Variants in GPR132 observed in about 807,000 individuals in gnomAD.
The protein encoded by GPR132 is probable G protein-coupled receptor 132.
GPR132 carries 4 observed loss-of-function variants against 1.9 expected under a neutral mutation model. That is an observed-to-expected ratio of 2.13 (90% CI 1.05 to 4.87). The LOEUF is 4.87. GPR132 is among the 30% of genes most tolerant of loss of function. GPR132 has a pLI of 0.01. For synonymous variants in GPR132, 233 were observed against 234.2 expected (o/e 0.99, Z 0.05); for missense variants, 404 against 512.5 (o/e 0.79, Z 2.04).
At chr14:105,054,982 C>T (rs1243334342) in intron 3 of GPR132, among the ~76,000 whole-genome samples, 6 of 146,654 alleles carry the variant, frequency 4.1e-5, no homozygotes, top group African/African-American at 1.3e-4. Context: ...AGAGATTGCG[C>T]CACTGCACTC....
rs1004104543 is a variant in GPR132 at position 105,059,449 on chromosome 14, G to A, written c.-860-2169C>T. Among the ~76,000 whole-genome samples the A allele has an allele frequency of 1.3e-5, 2 of 152,118 alleles. No homozygotes were observed. The highest frequency in any genetic ancestry group is 2.4e-5 in the African/African-American group (1 of 41,404). ...CCCTTCAAGCTGGGAACTGCTCAGC[G>A]CCGATCTGCCTGGCGTTCTATTCAG... On this transcript the variant is annotated intron_variant, in intron 1 of 3. Transcript: ENST00000329797. The surrounding 1 kb of genome is among the most constrained non-coding windows in gnomAD (Gnocchi z 4.2).
chr14:105,057,510 T>TA, intron 1 of GPR132: 1 of 175,728 alleles, frequency 5.7e-6, no homozygotes, highest in Non-Finnish European at 1.2e-5. Context: ...TACATACGAT[T>TA]CTTTTTTTTT....
chr14:105,062,615 A>G (rs1404868565), intron 1 of GPR132, among the ~76,000 whole-genome samples: 1 of 131,498 alleles, frequency 7.6e-6, no homozygotes, highest in African/African-American at 3.0e-5. Flanking sequence ...ATCTTGGCTC[A>G]CTGCAACCTC....
At position 105,049,620 on chromosome 14, in the gene GPR132, G is replaced by C. The variant is rs963240608; in HGVS notation, c.*1374C>G. 6.6e-6 allele frequency: 1 copy of C among 151,944 alleles called. No individual in the cohort carries two copies. The highest frequency in any genetic ancestry group is 1.9e-4 in the East Asian group (1 of 5,162). The allele number at this position is 151,944 out of a possible 1,614,324, so 9.4% of individuals were successfully genotyped here. ...ATTTTTCTGATGACTCTCAAGGGGA[G>C]GATGGCTGTTTTGGCTGGGTGTGGT... On this transcript the variant is annotated 3_prime_UTR_variant, in exon 4 of 4. Coordinates refer to ENST00000329797, the MANE Select transcript of GPR132 (RefSeq NM_013345.4).
Position 105,055,023 on chromosome 14 carries a change from CAAAAAAA to C in GPR132, c.34+357_34+363del, listed in dbSNP as rs35863392. ...AGGGCAACAGAGCAAGACTCCATCTCAAAAAAAAAAAAAAAAAAAAAATTCGGCCCCA... is the reference window on the plus strand; with the variant it reads ...AGGGCAACAGAGCAAGACTCCATCTCAAAAAAAAAAAAAAATTCGGCCCCA... On this transcript the variant is annotated intron_variant, in intron 3 of 3. Coordinates refer to ENST00000329797, the MANE Select transcript of GPR132 (RefSeq NM_013345.4). The surrounding 1 kb of genome is among the most constrained non-coding windows in gnomAD (Gnocchi z 4.7). Among the ~76,000 whole-genome samples the C allele has an allele frequency of 1.2e-4, 11 of 91,296 alleles. No individual in the cohort carries two copies. The highest frequency in any genetic ancestry group is 2.9e-4 in the East Asian group (1 of 3,412). The allele number at this position is 91,296 out of a possible 152,430, so 59.9% of individuals were successfully genotyped here.
chr14:105,061,491 C>T (rs1274074015), intron 1 of GPR132, among the ~76,000 whole-genome samples: 2 of 152,246 alleles, frequency 1.3e-5, no homozygotes, highest in East Asian at 3.9e-4. Flanking sequence ...CTCCGGCCAG[C>T]CCAGTGGCCC....
intron 3 of GPR132, chr14:105,054,073 CTGAG>C: frequency 1.6e-6 from 2 of 1,288,620 alleles, no homozygotes; most frequent in Non-Finnish European, 2.0e-6. Flanking sequence ...CCCACTCTGG[CTGAG>C]TTCATGCTTC....
rs2140925517 is a variant in GPR132, at chr14:105,050,758, T to C, written c.*236A>G. ...TGAAGAGGCCCCACTGCCTGCCACA[T>C]GCTCTCTGGGCTCCCGGAAGCCTGG... On this transcript the variant is annotated 3_prime_UTR_variant, in exon 4 of 4. Coordinates refer to ENST00000329797, the MANE Select transcript of GPR132 (RefSeq NM_013345.4). This position sits in a 1 kb window ranked among gnomAD's most constrained non-coding sequence, Gnocchi z 4.0. 3.6e-6 allele frequency: 2 copies of C among 554,258 alleles called. No individual in the cohort carries two copies. The highest frequency in any genetic ancestry group is 3.2e-5 in the Admixed American group (1 of 31,338). 34.3% of individuals were successfully genotyped at this position (554,258 alleles called of 1,614,324 possible). A position where few individuals can be genotyped will look rare whatever the true frequency, so the allele number is the denominator to read the frequency against.
Position 105,051,225 on chromosome 14 carries a change from G to A in GPR132, c.912C>T (p.Asp304=), listed in dbSNP as rs1179777126. 3.1e-6 allele frequency: 5 copies of A among 1,613,696 alleles called. No individual in the cohort carries two copies. Among genetic ancestry groups the A allele is most frequent in the Non-Finnish European group, 3.4e-6 (4 of 1,179,636 alleles). ...CCGTGGCCAGCACGTAGATAATGGG[G>A]TCAGCCACGCCGTTCACCGTGGACA... ...LCLSTVNGVA[D]PIIYVLATDH... The change falls in exon 4 of 4, where the codon GAC becomes GAT. Residue 304 remains aspartate, a synonymous_variant. Coordinates refer to ENST00000329797, the MANE Select transcript of GPR132 (RefSeq NM_013345.4). The surrounding 1 kb of genome is among the most constrained non-coding windows in gnomAD (Gnocchi z 8.0).
rs753536183 is a variant in GPR132, at chr14:105,056,594, G to C, written c.-746-428C>G. Among the ~76,000 whole-genome samples the C allele has an allele frequency of 6.6e-6, 1 of 151,896 alleles. No homozygotes were observed. Among genetic ancestry groups the C allele is most frequent in the Non-Finnish European group, 1.5e-5 (1 of 67,958 alleles). The stretch of plus-strand genomic sequence containing the variant: ...TCCCCCACCCCACACATCGTCGCCC[G>C]TGCGGTCTCAGTCAGGGCCTCGGTG... On this transcript the variant is annotated intron_variant, in intron 2 of 3. Transcript: ENST00000329797. This position sits in a 1 kb window ranked among gnomAD's most constrained non-coding sequence, Gnocchi z 6.0.
intron 1 of GPR132, among the ~76,000 whole-genome samples, chr14:105,062,604 G>A (rs757321301): frequency 4.3e-5 from 6 of 139,170 alleles, no homozygotes; most frequent in Non-Finnish European, 7.6e-5. Flanking sequence ...AAAGTGGCGC[G>A]ATCTTGGCTC....
In GPR132 at chr14:105,055,146, A is replaced by G. The variant is rs772918006; in HGVS notation, c.34+241T>C. Among the ~76,000 whole-genome samples the G allele has an allele frequency of 6.6e-6, 1 of 151,208 alleles. No homozygotes were observed. Among genetic ancestry groups the G allele is most frequent in the Non-Finnish European group, 1.5e-5 (1 of 67,806 alleles). On this transcript the variant is annotated intron_variant, in intron 3 of 3. Coordinates refer to ENST00000329797, the MANE Select transcript of GPR132 (RefSeq NM_013345.4). This position sits in a 1 kb window ranked among gnomAD's most constrained non-coding sequence, Gnocchi z 4.7. ...GGAGTTCCAGACCAGCCTGACCAAC[A>G]TGGTGAAATCCCATCTCTATTAAAA...
intron 1 of GPR132, among the ~76,000 whole-genome samples, chr14:105,062,467 C>G (rs1886968140): frequency 1.3e-5 from 2 of 152,118 alleles, no homozygotes; most frequent in Non-Finnish European, 2.9e-5. Flanking sequence ...CTTCCATGAA[C>G]CCATGTTTTC....
intron 3 of GPR132, chr14:105,054,215 G>A (rs1377800953): frequency 3.3e-6 from 4 of 1,203,270 alleles, no homozygotes; most frequent in East Asian, 6.5e-5. Context: ...CAGCAGCCCC[G>A]GGCGGGGCAA....
rs777838540 is a variant in GPR132 at position 105,051,347 on chromosome 14, C to A, written c.790G>T (p.Val264Phe). The change falls in exon 4 of 4, where the codon GTC becomes TTC. Residue 264 changes from valine (V) to phenylalanine (F), a missense_variant. Val to Phe is a conservative substitution (Grantham distance 50). Coordinates refer to ENST00000329797, the MANE Select transcript of GPR132 (RefSeq NM_013345.4). The surrounding 1 kb of genome is among the most constrained non-coding windows in gnomAD (Gnocchi z 8.0). ...CFAPYHLVLL[V>F]KAAAFSYYRG... is the part of the protein sequence containing the mutation. ...TAGTAGGAAAAGGCAGCGGCTTTGA[C>A]GAGGAGAACCAGGTGGTACGGGGCG... is the stretch of plus-strand genomic sequence containing the variant. 5 of 1,613,840 alleles carry A rather than the reference C, an allele frequency of 3.1e-6. No homozygotes were observed. The highest frequency in any genetic ancestry group is 3.4e-6 in the Non-Finnish European group (4 of 1,179,848).
rs1202042798 is a variant in GPR132 at position 105,060,887 on chromosome 14, G to A, written c.-860-3607C>T. 3.3e-5 allele frequency among the ~76,000 whole-genome samples: 5 copies of A among 152,248 alleles called. No individual in the cohort carries two copies. The highest frequency in any genetic ancestry group is 7.3e-5 in the Non-Finnish European group (5 of 68,044). On this transcript the variant is annotated intron_variant, in intron 1 of 3. Transcript: ENST00000329797. The surrounding 1 kb of genome is among the most constrained non-coding windows in gnomAD (Gnocchi z 6.3). ...GTGGAAATGCACGCTCCCCTCCCGG[G>A]CCCCAGCCGCAGGCAGAGGCTCACA... is the stretch of plus-strand genomic sequence containing the variant.
In GPR132 at chr14:105,055,659, A is replaced by C; in HGVS notation, c.-239T>G. ...GTGCTCCACTCACCACAGTGTCCTC[A>C]AGCTCCCTCCTGTTGCAGCGTGTGC... On this transcript the variant is annotated 5_prime_UTR_variant, in exon 3 of 4. Transcript: ENST00000329797. This position sits in a 1 kb window ranked among gnomAD's most constrained non-coding sequence, Gnocchi z 4.7. 1 of 537,306 alleles carries C rather than the reference A, an allele frequency of 1.9e-6. No individual in the cohort carries two copies. Among genetic ancestry groups the C allele is most frequent in the Non-Finnish European group, 3.3e-6 (1 of 298,952 alleles). The allele number at this position is 537,306 out of a possible 1,614,324, so 33.3% of individuals were successfully genotyped here.
chr14:105,057,511 C>CTTTTTTTTTTTTTTTT (rs11299805), intron 1 of GPR132: 5 of 88,528 alleles, frequency 5.6e-5, no homozygotes, highest in African/African-American at 8.5e-5. Context: ...ACATACGATT[C>CTTTTTTTTTTTTTTTT]TTTTTTTTTT....
At position 105,051,848 on chromosome 14, in the gene GPR132, G is replaced by A; in HGVS notation, c.289C>T (p.Leu97Phe). 26 of 1,614,038 alleles carry A rather than the reference G, an allele frequency of 1.6e-5. No homozygotes were observed. Among genetic ancestry groups the A allele is most frequent in the Non-Finnish European group, 2.1e-5 (25 of 1,180,040 alleles). The change falls in exon 4 of 4, where the codon CTC (leucine) becomes TTC (phenylalanine). Residue 97 changes from leucine to phenylalanine, a missense_variant. Leu to Phe is a conservative substitution (Grantham distance 22). Coordinates refer to ENST00000329797, the MANE Select transcript of GPR132 (RefSeq NM_013345.4). This position sits in a 1 kb window ranked among gnomAD's most constrained non-coding sequence, Gnocchi z 8.0. ...TGGTTGCGGATATAGATGACCCAGA[G>A]TGGCAGCGTGCCTGTGTACAGCAGC... ...CELLYTGTLP[L>F]WVIYIRNQHR...
Sources: gnomAD v4.1 joint callset for allele counts (sites outside exome capture counted in the v4.1 genomes callset) on GRCh38, gnomAD v4.1.1 for gene constraint, Gnocchi (gnomAD v3.1) non-coding constraint, MANE v1.5 for transcripts, NCBI Gene and HGNC (gene_info 2026-07-23, HGNC 2026-07-21) for gene names.